Variants in GBF1 observed in about 807,000 individuals in gnomAD.
The protein encoded by GBF1 is golgi brefeldin A resistant guanine nucleotide exchange factor 1, also known as Golgi-specific brefeldin A-resistance guanine nucleotide exchange factor 1.
Under a neutral mutation model 210.5 loss-of-function variants are expected in GBF1, and 114 were observed. The observed-to-expected ratio is 0.54, with a 90% CI of 0.47 to 0.63. The LOEUF (loss-of-function observed/expected upper bound fraction) is 0.63. Among genes scored for constraint, GBF1 ranks in the 30% least tolerant of loss-of-function variants. GBF1 has a pLI of 0.00. For missense variants in GBF1, 1,851 were observed against 2,357.7 expected (o/e 0.79, Z 4.45); for synonymous variants, 850 against 889.2 (o/e 0.96, Z 0.78).
chr10:102,275,835 A>G (rs1172645697), intron 3 of GBF1, among the ~76,000 whole-genome samples: 1 of 152,222 alleles, frequency 6.6e-6, no homozygotes, highest in East Asian at 1.9e-4. Context: ...TGTAGGGAAA[A>G]TAGTCAAAGG....
At chr10:102,261,615 C>CTTTTTTTTTTTT (rs10711743) in intron 3 of GBF1, among the ~76,000 whole-genome samples, 1 of 116,098 alleles carries the variant, frequency 8.6e-6, no homozygotes, top group African/African-American at 3.4e-5. Flanking sequence ...TTCTTTCTTT[C>CTTTTTTTTTTTT]TTTTTTTTTT....
rs184182829 is a variant in GBF1, at chr10:102,266,217, T to G, written c.163+6101T>G. Among the ~76,000 whole-genome samples the G allele has an allele frequency of 7.9e-5, 12 of 152,044 alleles. No individual in the cohort carries two copies. In the East Asian group the frequency reaches 2.3e-3, roughly 29 times the overall value. ...TCGTGCCACTGCACTCCAGCCTGGG[T>G]GACAGAGCGATACTCTGTCTCAAAA... On this transcript the variant is annotated intron_variant, in intron 3 of 39. Coordinates refer to ENST00000369983, the MANE Select transcript of GBF1 (RefSeq NM_001377137.1).
intron 1 of GBF1, among the ~76,000 whole-genome samples, chr10:102,249,003 C>A (rs1383616960): frequency 6.6e-6 from 1 of 152,184 alleles, no homozygotes; most frequent in Non-Finnish European, 1.5e-5. Flanking sequence ...AGTGCAGGCA[C>A]AGAATGACCA....
intron 3 of GBF1, among the ~76,000 whole-genome samples, chr10:102,286,194 GTT>G (rs55904022): frequency 5.5e-4 from 69 of 126,368 alleles, no homozygotes; most frequent in African/African-American, 7.3e-4. Context: ...AAGCATAAGG[GTT>G]TTTTTTTTTT....
At chr10:102,375,669 C>T (rs2060455263) in intron 30 of GBF1, 85 bp downstream of exon 30, 2 of 849,456 alleles carry the variant, frequency 2.4e-6, no homozygotes, top group Non-Finnish European at 3.8e-6. Flanking sequence ...ACACAGGTTA[C>T]TGTGTTCAGC....
At position 102,363,214 on chromosome 10, in the gene GBF1, C is replaced by T. The variant is rs1589783268; in HGVS notation, c.1877-42C>T. On this transcript the variant is annotated intron_variant, in intron 15 of 39. Transcript: ENST00000369983. The surrounding 1 kb of genome is among the most constrained non-coding windows in gnomAD (Gnocchi z 4.2). ...TCTATCCTGCAGCTCTGCTTGGCTT[C>T]ATACCCTATAAGTCTTCACGTATCT... is the stretch of plus-strand genomic sequence containing the variant. 3 of 1,564,698 alleles carry T rather than the reference C, an allele frequency of 1.9e-6. No individual in the cohort carries two copies. Among genetic ancestry groups the T allele is most frequent in the Middle Eastern group, 1.7e-4 (1 of 5,930 alleles).
chr10:102,333,536 T>C, intron 3 of GBF1, among the ~76,000 whole-genome samples: 1 of 151,806 alleles, frequency 6.6e-6, no homozygotes, highest in Non-Finnish European at 1.5e-5. Context: ...AATGGTATGA[T>C]CAGGGCTCAC....
rs201151225 is a variant in GBF1 at position 102,369,722 on chromosome 10, C to T, written c.3162C>T (p.Phe1054=). The change falls in exon 25 of 40, where the codon TTC becomes TTT. Residue 1054 remains phenylalanine, a synonymous_variant. Transcript: ENST00000369983. Reference sequence around the variant, plus strand: ...ACTTACTTTTCCAGGTAGAAGATTTCGTGGATCCCAATGGCAAGATCTCTC... The same window carrying T: ...ACTTACTTTTCCAGGTAGAAGATTTTGTGGATCCCAATGGCAAGATCTCTC... ...LPKAMIEVED[F]VDPNGKISLQ... 95 of 1,613,934 alleles carry T rather than the reference C, an allele frequency of 5.9e-5. No individual in the cohort carries two copies. The highest frequency in any genetic ancestry group is 7.0e-5 in the Non-Finnish European group (83 of 1,179,804).
chr10:102,234,529 G>A, the GBF1 span, among the ~76,000 whole-genome samples: 1 of 152,184 alleles, frequency 6.6e-6, no homozygotes, highest in Non-Finnish European at 1.5e-5. Flanking sequence ...TGCTCTGATG[G>A]AAGGGAGATG....
the GBF1 span, among the ~76,000 whole-genome samples, chr10:102,238,037 ACT>A: frequency 2.0e-5 from 3 of 152,166 alleles, no homozygotes; most frequent in Admixed American, 6.5e-5. Flanking sequence ...GAAAGGAGAA[ACT>A]ATTAACTGAA....
intron 3 of GBF1, among the ~76,000 whole-genome samples, chr10:102,303,204 T>A (rs2077545982): frequency 6.6e-6 from 1 of 152,110 alleles, no homozygotes; most frequent in Admixed American, 6.6e-5. Context: ...GCCAGGCTGG[T>A]CTCAAACTCC....
chr10:102,362,393 G>A (rs757524201), intron 14 of GBF1, 82 bp from the exon 15 acceptor site: 77 of 1,025,706 alleles, frequency 7.5e-5, no homozygotes, highest in Non-Finnish European at 1.1e-4. Flanking sequence ...CAAGTTAGAA[G>A]AAGTTTTGGA....
chr10:102,340,992 T>A (rs962554253), intron 3 of GBF1, among the ~76,000 whole-genome samples: 2 of 152,198 alleles, frequency 1.3e-5, no homozygotes, highest in Admixed American at 1.3e-4. Flanking sequence ...GTGTCTGTTC[T>A]ATGAAAGATG....
At chr10:102,369,573 G>A (rs946983056) in intron 24 of GBF1, 138 bp from the exon 25 acceptor site, 3 of 887,706 alleles carry the variant, frequency 3.4e-6, no homozygotes, top group Non-Finnish European at 5.4e-6. Context: ...GCTGGTAGAT[G>A]CCATTGCCAG....
intron 1 of GBF1, among the ~76,000 whole-genome samples, chr10:102,254,707 T>C (rs1391052803): frequency 6.6e-6 from 1 of 152,156 alleles, no homozygotes; most frequent in Non-Finnish European, 1.5e-5. Flanking sequence ...TTGGTATTTA[T>C]TTAGTTGTTC....
the GBF1 span, among the ~76,000 whole-genome samples, chr10:102,236,299 C>T: frequency 3.3e-5 from 5 of 152,140 alleles, no homozygotes; most frequent in African/African-American, 9.7e-5. Context: ...GTCTGGAAGC[C>T]GCAGGATTGG....
At chr10:102,343,948 C>A in intron 3 of GBF1, 103 bp from the exon 4 acceptor site, 1 of 826,074 alleles carries the variant, frequency 1.2e-6, no homozygotes, top group Non-Finnish European at 2.0e-6. Context: ...AAGATTGACC[C>A]AACAACAAAG....
chr10:102,231,493 G>A, the GBF1 span: 8 of 813,064 alleles, frequency 9.8e-6, no homozygotes, highest in East Asian at 2.2e-4. Flanking sequence ...GGGGTCCGAG[G>A]GAGGGGGCAG....
the GBF1 span, among the ~76,000 whole-genome samples, chr10:102,238,533 C>T: frequency 6.6e-6 from 1 of 152,216 alleles, no homozygotes; most frequent in East Asian, 1.9e-4. Context: ...ATTAAGATCC[C>T]TCCTATGGCT....
Sources: gnomAD v4.1 joint callset for allele counts (sites outside exome capture counted in the v4.1 genomes callset) on GRCh38, gnomAD v4.1.1 for gene constraint, Gnocchi (gnomAD v3.1) non-coding constraint, MANE v1.5 for transcripts, NCBI Gene and HGNC (gene_info 2026-07-23, HGNC 2026-07-21) for gene names.